Variants in LGR4 observed in about 807,000 individuals in gnomAD.
The protein encoded by LGR4 is leucine rich repeat containing G protein-coupled receptor 4.
LGR4 carries 44 observed loss-of-function variants against 84.8 expected under a neutral mutation model. That is an observed-to-expected ratio of 0.52 (90% CI 0.41 to 0.67). The LOEUF is 0.67. LGR4 is among the 30% of genes least tolerant of loss of function. LGR4 has a pLI of 0.00. For missense variants in LGR4, 1,032 were observed against 1,131.4 expected (o/e 0.91, Z 1.26); for synonymous variants, 429 against 434.3 (o/e 0.99, Z 0.15).
intron 2 of LGR4, among the ~76,000 whole-genome samples, chr11:27,402,176 C>A (rs540674156): frequency 1.3e-5 from 2 of 152,316 alleles, no homozygotes; most frequent in East Asian, 3.9e-4. Context: ...CTGGCCTTAA[C>A]CCTTCCTGCT....
intron 2 of LGR4, among the ~76,000 whole-genome samples, chr11:27,399,370 G>T (rs1863454741): frequency 6.6e-6 from 1 of 152,104 alleles, no homozygotes; most frequent in East Asian, 1.9e-4. Context: ...AAGAACACTA[G>T]GCACAACCAC....
At chr11:27,385,073 T>C (rs543670973) in intron 5 of LGR4, among the ~76,000 whole-genome samples, 180 bp downstream of exon 5, 2 of 152,306 alleles carry the variant, frequency 1.3e-5, no homozygotes, top group Admixed American at 6.5e-5. Context: ...ACAATTATCA[T>C]CAGCTGGTAA....
chr11:27,384,271 C>T, intron 6 of LGR4, 65 bp downstream of exon 6: 1 of 1,030,478 alleles, frequency 9.7e-7, no homozygotes. Flanking sequence ...TCTTTTTCTG[C>T]AGTGAAGTAT....
Position 27,381,015 on chromosome 11 carries a change from A to G in LGR4, c.759-49T>C. 4.0e-6 allele frequency: 4 copies of G among 993,102 alleles called. No homozygotes were observed. The South Asian group carries it at 5.4e-5, about 13-fold the overall frequency. The allele number at this position is 993,102 out of a possible 1,614,324, so 61.5% of individuals were successfully genotyped here. ...TTTGAAATGCATTATCCTCTTGCGA[A>G]ATAAAACCCAAGTATCTACTGCTGT... On this transcript the variant is annotated intron_variant, in intron 7 of 17. Coordinates refer to ENST00000379214, the MANE Select transcript of LGR4 (RefSeq NM_018490.5).
chr11:27,373,221 A>C (rs2133362410), intron 15 of LGR4: 1 of 169,772 alleles, frequency 5.9e-6, no homozygotes, highest in South Asian at 1.9e-4. Flanking sequence ...AACCTTCATG[A>C]AGTATTATAG....
intron 1 of LGR4, among the ~76,000 whole-genome samples, chr11:27,437,157 T>TA (rs1864226185): frequency 6.6e-6 from 1 of 152,178 alleles, no homozygotes; most frequent in Non-Finnish European, 1.5e-5. Context: ...AACTGCCACT[T>TA]ATGTGGCTGA....
chr11:27,414,114 G>C (rs1361414836), intron 1 of LGR4, among the ~76,000 whole-genome samples: 1 of 152,014 alleles, frequency 6.6e-6, no homozygotes, highest in Non-Finnish European at 1.5e-5. Context: ...CTTTACAAAT[G>C]GGGAAACTGA....
chr11:27,381,626 G>C (rs1015695835), intron 7 of LGR4, among the ~76,000 whole-genome samples: 1 of 152,058 alleles, frequency 6.6e-6, no homozygotes, highest in Admixed American at 6.6e-5. Context: ...AGGCTGCAGT[G>C]AGCTGTGATC....
At chr11:27,369,993 T>C (rs867503546) in intron 17 of LGR4, among the ~76,000 whole-genome samples, 6 of 152,202 alleles carry the variant, frequency 3.9e-5, no homozygotes, top group Non-Finnish European at 1.5e-5. Flanking sequence ...TTGCAAGAAC[T>C]CATTCAGTCG....
chr11:27,445,290 G>A (rs1014523965), intron 1 of LGR4, among the ~76,000 whole-genome samples: 6 of 152,126 alleles, frequency 3.9e-5, no homozygotes, highest in African/African-American at 1.4e-4. Flanking sequence ...CACGAACTCT[G>A]GAGTCAGACT....
chr11:27,454,850 G>GTACTGTCTTT (rs1444104136), intron 1 of LGR4, among the ~76,000 whole-genome samples: 1 of 151,768 alleles, frequency 6.6e-6, no homozygotes, highest in East Asian at 1.9e-4. Flanking sequence ...AAAGTACTGA[G>GTACTGTCTTT]CCCATGGAAA....
chr11:27,370,925 T>G (rs952015827), intron 17 of LGR4, among the ~76,000 whole-genome samples: 1 of 152,176 alleles, frequency 6.6e-6, no homozygotes, highest in Non-Finnish European at 1.5e-5. Context: ...AACTTAGAGC[T>G]TATTCTCTAC....
intron 1 of LGR4, among the ~76,000 whole-genome samples, chr11:27,417,589 A>T (rs1863844993): frequency 1.3e-5 from 2 of 152,212 alleles, no homozygotes; most frequent in Non-Finnish European, 2.9e-5. Context: ...ACACTATTCC[A>T]TATTTTGGGG....
intron 2 of LGR4, among the ~76,000 whole-genome samples, chr11:27,394,411 T>C (rs1307486856): frequency 6.6e-6 from 1 of 152,206 alleles, no homozygotes; most frequent in African/African-American, 2.4e-5. Context: ...ATTTTATTTA[T>C]TTATTTTTTG....
chr11:27,443,082 C>T (rs73448025), intron 1 of LGR4, among the ~76,000 whole-genome samples: 10,076 of 152,114 alleles, frequency 0.066, 987 homozygotes, highest in African/African-American at 0.21. Flanking sequence ...AGAAACTTGC[C>T]CAAGGAAACA....
intron 1 of LGR4, among the ~76,000 whole-genome samples, chr11:27,464,162 T>C (rs750929900): frequency 1.8e-4 from 28 of 152,156 alleles, no homozygotes; most frequent in Non-Finnish European, 3.7e-4. Context: ...TTCTGGAGAA[T>C]TATTCTGCAA....
intron 1 of LGR4, among the ~76,000 whole-genome samples, chr11:27,453,277 C>G (rs1864517501): frequency 6.6e-6 from 1 of 152,172 alleles, no homozygotes; most frequent in Non-Finnish European, 1.5e-5. Flanking sequence ...CTGTGTTGGC[C>G]AGGCTGGTCT....
chr11:27,440,019 C>G (rs1030417773), intron 1 of LGR4, among the ~76,000 whole-genome samples: 2 of 151,730 alleles, frequency 1.3e-5, no homozygotes, highest in Admixed American at 1.3e-4. Flanking sequence ...GATTCTCCCA[C>G]CTCAGCCTCC....
chr11:27,413,995 G>T (rs1198585413), intron 1 of LGR4, among the ~76,000 whole-genome samples: 1 of 152,048 alleles, frequency 6.6e-6, no homozygotes, highest in East Asian at 1.9e-4. Context: ...GTTTGGAAAA[G>T]TTTTTGGCTT....
Sources: gnomAD v4.1 joint callset for allele counts (sites outside exome capture counted in the v4.1 genomes callset) on GRCh38, gnomAD v4.1.1 for gene constraint, MANE v1.5 for transcripts, NCBI Gene and HGNC (gene_info 2026-07-23, HGNC 2026-07-21) for gene names.